HLA-DRB1: variants seen among roughly 807,000 people sequenced by gnomAD.
The protein encoded by HLA-DRB1 is major histocompatibility complex, class II, DR beta 1 precursor.
Under a neutral mutation model 27.9 loss-of-function variants are expected in HLA-DRB1, and 10 were observed. The observed-to-expected ratio is 0.36, with a 90% CI of 0.22 to 0.61. The LOEUF is 0.61. Ranked by LOEUF, HLA-DRB1 falls within the 20% of genes least tolerant of loss-of-function variation. The pLI is 0.73. For synonymous variants in HLA-DRB1, 57 were observed against 126.7 expected (o/e 0.45, Z 3.69); for missense variants, 118 against 306.3 (o/e 0.39, Z 4.59).
chr6:32,587,864 A>T (rs9270168), intron 1 of HLA-DRB1, among the ~76,000 whole-genome samples: 98,314 of 136,574 alleles, frequency 0.72, 37,473 homozygotes, highest in Middle Eastern at 0.84. Context: ...ACGCTCTCTA[A>T]CTTAATCAAA....
At chr6:32,582,108 A>C (rs28723975) in intron 2 of HLA-DRB1, among the ~76,000 whole-genome samples, 31 of 93,700 alleles carry the variant, frequency 3.3e-4, no homozygotes, top group East Asian at 1.5e-3. Context: ...AATCTTGGAA[A>C]GTACAGAGTG....
chr6:32,583,229 C>A (rs1775815272), intron 2 of HLA-DRB1, among the ~76,000 whole-genome samples: 1 of 58,748 alleles, frequency 1.7e-5, no homozygotes, highest in Non-Finnish European at 3.4e-5. Context: ...CAAAATAATT[C>A]AAAGGAATTA....
chr6:32,582,147 G>T (rs1434844131), intron 2 of HLA-DRB1, among the ~76,000 whole-genome samples: 1 of 121,860 alleles, frequency 8.2e-6, no homozygotes, highest in Non-Finnish European at 1.7e-5. Context: ...TTTGAGCCAG[G>T]TTGCCTGGTT....
Position 32,589,026 on chromosome 6 carries a change from T to C in HLA-DRB1, c.100+617A>G, listed in dbSNP as rs1206207036. ...AAGTATTAACAATCTCAGCTTCAGT[T>C]CCAGGGACTTTTCCCCACAAGAAAG... On this transcript the variant is annotated intron_variant, in intron 1 of 5. Transcript: ENST00000360004. Among the ~76,000 whole-genome samples, 4 of 106,194 alleles carry C rather than the reference T, an allele frequency of 3.8e-5. 1 individual carries two copies. The highest frequency in any genetic ancestry group is 8.1e-5 in the Non-Finnish European group (4 of 49,598). The allele number at this position is 106,194 out of a possible 152,430, so 69.7% of individuals were successfully genotyped here.
intron 1 of HLA-DRB1, among the ~76,000 whole-genome samples, chr6:32,586,059 GA>G (rs1776336094): frequency 1.3e-5 from 1 of 74,740 alleles, no homozygotes; most frequent in Non-Finnish European, 2.9e-5. Context: ...TTGGCTGTGT[GA>G]AATACTGGCT....
At chr6:32,584,788 T>C (rs1202513520) in intron 1 of HLA-DRB1, among the ~76,000 whole-genome samples, 1 of 104,242 alleles carries the variant, frequency 9.6e-6, no homozygotes, top group Non-Finnish European at 1.9e-5. Flanking sequence ...CTGTGAACAC[T>C]TCCTTAGTGA....
chr6:32,584,898 G>C (rs1776177713), intron 1 of HLA-DRB1, among the ~76,000 whole-genome samples: 1 of 97,258 alleles, frequency 1.0e-5, no homozygotes, highest in Admixed American at 1.1e-4. Flanking sequence ...GAAAGCGATG[G>C]CCAAAAACCA....
At position 32,586,614 on chromosome 6, in the gene HLA-DRB1, G is replaced by A. The variant is rs72850291; in HGVS notation, c.101-2236C>T. On this transcript the variant is annotated intron_variant, in intron 1 of 5. Coordinates refer to ENST00000360004, the Ensembl canonical transcript of HLA-DRB1. ...CCCTATGTATCCTCTTCCACGCCCT[G>A]GAATTTAACACACTACACGTATTGC... Among the ~76,000 whole-genome samples the A allele has an allele frequency of 3.8e-3, 189 of 50,068 alleles. 1 individual carries two copies. The highest frequency in any genetic ancestry group is 7.7e-3 in the East Asian group (14 of 1,810). The allele number at this position is 50,068 out of a possible 152,430, so 32.8% of individuals were successfully genotyped here. A position where few individuals can be genotyped will look rare whatever the true frequency, so the allele number is the denominator to read the frequency against.
chr6:32,584,179 C>T (rs17880366), exon 2 of HLA-DRB1: 6 of 1,231,728 alleles, frequency 4.9e-6, no homozygotes, highest in Admixed American at 2.2e-5. Flanking sequence ...CCGCGGCCCG[C>T]GCCTGCTCCA....
intron 1 of HLA-DRB1, among the ~76,000 whole-genome samples, chr6:32,588,468 A>T (rs9270201): frequency 2.4e-5 from 1 of 42,148 alleles, no homozygotes; most frequent in Non-Finnish European, 4.7e-5. Context: ...AGAGAAAAAA[A>T]GTCTCTTTCA....
intron 2 of HLA-DRB1, among the ~76,000 whole-genome samples, chr6:32,582,771 A>T (rs35259208): frequency 8.1e-6 from 1 of 122,994 alleles, no homozygotes; most frequent in Non-Finnish European, 1.7e-5. Flanking sequence ...TCTTTCCAGA[A>T]TCACATTTGG....
intron 1 of HLA-DRB1, among the ~76,000 whole-genome samples, chr6:32,586,450 C>A (rs151304730): frequency 5.0e-5 from 5 of 99,438 alleles, no homozygotes; most frequent in African/African-American, 1.9e-4. Context: ...ATTGGCCTCT[C>A]CCTTCTCCTT....
rs3200488 is a variant in HLA-DRB1, at chr6:32,581,585, G to A, written c.624C>T (p.Ser208=). The A allele has an allele frequency of 0.089, 94,733 of 1,064,338 alleles. 6,284 individuals are homozygous for A. Among genetic ancestry groups the A allele is most frequent in the Middle Eastern group, 0.093 (390 of 4,196 alleles). The allele number at this position is 1,064,338 out of a possible 1,614,324, so 65.9% of individuals were successfully genotyped here. The change falls in exon 3 of 6, where the codon AGC becomes AGT. Residue 208 remains serine, a synonymous_variant. Transcript: ENST00000360004. ...ATTCCACTGTGAGAGGGCTTGTCAC[G>A]CTTGGGTGCTCCACTTGGCAGGTGT...
chr6:32,589,163 TG>T lies in HLA-DRB1; in HGVS notation c.100+479del, dbSNP rs756596976. 2.0e-5 allele frequency among the ~76,000 whole-genome samples: 2 copies of T among 101,398 alleles called. 1 individual carries two copies. The highest frequency in any genetic ancestry group is 4.1e-5 in the Non-Finnish European group (2 of 48,272). The allele number at this position is 101,398 out of a possible 152,430, so 66.5% of individuals were successfully genotyped here. ...AGAAAGGAGATAATGGGGAGGCCACTGGGTCCATCCTCACATATGAGGACTA... is the reference window on the plus strand; with the variant it reads ...AGAAAGGAGATAATGGGGAGGCCACTGGTCCATCCTCACATATGAGGACTA... On this transcript the variant is annotated intron_variant, in intron 1 of 5. Coordinates refer to ENST00000360004, the Ensembl canonical transcript of HLA-DRB1.
At chr6:32,580,951 G>GAATTAAAATAACTAGCCATTTCAGGT in intron 3 of HLA-DRB1, 95 bp from the exon 4 acceptor site, 1 of 796,552 alleles carries the variant, frequency 1.3e-6, no homozygotes, top group Non-Finnish European at 1.8e-6. Flanking sequence ...GGGGCAGAAA[G>GAATTAAAATAACTAGCCATTTCAGGT]CTGCCTCACA....
intron 5 of HLA-DRB1, 85 bp downstream of exon 5, chr6:32,580,161 TC>T: frequency 2.6e-6 from 1 of 388,044 alleles, no homozygotes; most frequent in Non-Finnish European, 4.4e-6. Flanking sequence ...GTTCTCCAAG[TC>T]CCCACCCCAC....
chr6:32,585,390 T>A (rs35982716), intron 1 of HLA-DRB1, among the ~76,000 whole-genome samples: 14,484 of 131,464 alleles, frequency 0.11, 2,498 homozygotes, highest in Non-Finnish European at 0.12. Flanking sequence ...GGGTCAATTT[T>A]TACCAACCAT....
At chr6:32,588,579 A>G (rs34120568) in intron 1 of HLA-DRB1, among the ~76,000 whole-genome samples, 12 of 65,664 alleles carry the variant, frequency 1.8e-4, no homozygotes, top group East Asian at 1.1e-3. Context: ...AGAGGTAAGC[A>G]GACATGGCTA....
At chr6:32,582,134 A>G (rs1775627546) in intron 2 of HLA-DRB1, among the ~76,000 whole-genome samples, 3 of 121,184 alleles carry the variant, frequency 2.5e-5, no homozygotes, top group Non-Finnish European at 5.1e-5. Context: ...ATTAAAACTG[A>G]TATTTGAGCC....
Sources: gnomAD v4.1 joint callset for allele counts (sites outside exome capture counted in the v4.1 genomes callset) on GRCh38, gnomAD v4.1.1 for gene constraint, MANE v1.5 for transcripts, NCBI Gene and HGNC (gene_info 2026-07-23, HGNC 2026-07-21) for gene names.